The following BCO2 variants were observed in gnomAD, a reference collection of about 807,000 sequenced individuals.
BCO2 encodes the protein carotenoid-cleaving dioxygenase, mitochondrial.
A neutral mutation model predicts 65.8 loss-of-function variants in BCO2; 56 were observed. The ratio of observed to expected loss-of-function variants is 0.85; its 90% CI spans 0.69 to 1.06. The LOEUF (loss-of-function observed/expected upper bound fraction) is 1.06, where lower values mean the gene tolerates loss of function less well. Among genes scored for constraint, BCO2 ranks in the 50% least tolerant of loss-of-function variants. BCO2 has a pLI of 0.00. For missense variants in BCO2, 675 were observed against 698.5 expected, an observed-to-expected ratio of 0.97 and a Z score of 0.38; for synonymous variants, 233 against 242.3, an observed-to-expected ratio of 0.96 and a Z score of 0.36.
intron 8 of BCO2, among the ~76,000 whole-genome samples, chr11:112,206,475 G>A (rs10891342): frequency 0.95 from 144,619 of 152,276 alleles, 68,886 homozygotes; most frequent in East Asian, 1. Context: ...TATAAATTTT[G>A]AGGCCAGGTG....
chr11:112,200,195 G>C (rs1343225480), intron 6 of BCO2, among the ~76,000 whole-genome samples: 1 of 152,046 alleles, frequency 6.6e-6, no homozygotes, highest in Non-Finnish European at 1.5e-5. Context: ...CTTTTACTCA[G>C]AATATTTATT....
At chr11:112,181,844 C>A in intron 2 of BCO2, 1 of 959,576 alleles carries the variant, frequency 1.0e-6, no homozygotes, top group Non-Finnish European at 1.7e-6. Context: ...CAAATCTTTG[C>A]TGTTCAAATC....
intron 8 of BCO2, among the ~76,000 whole-genome samples, chr11:112,209,102 C>T (rs981459303): frequency 1.3e-5 from 2 of 152,110 alleles, no homozygotes; most frequent in East Asian, 1.9e-4. Flanking sequence ...TACATTATTA[C>T]TAACTAAAGT....
intron 2 of BCO2, chr11:112,181,234 T>C (rs1447485306): frequency 3.0e-6 from 2 of 663,254 alleles, no homozygotes; most frequent in Non-Finnish European, 2.6e-6. Flanking sequence ...CAGGCTGGAG[T>C]GCAGTGGCGG....
At chr11:112,214,240 G>C (rs993562502) in intron 9 of BCO2, among the ~76,000 whole-genome samples, 2 of 152,098 alleles carry the variant, frequency 1.3e-5, no homozygotes, top group Non-Finnish European at 2.9e-5. Context: ...TCTGCCTCCT[G>C]GGTTCAAGCA....
At chr11:112,192,978 CT>C (rs34728026) in intron 2 of BCO2, among the ~76,000 whole-genome samples, 39,934 of 74,502 alleles carry the variant, frequency 0.54, 10,471 homozygotes, top group Non-Finnish European at 0.6. Context: ...GTAAATTATT[CT>C]TTTTTTTTTT....
chr11:112,180,799 C>T (rs371765811), intron 2 of BCO2: 10 of 1,012,002 alleles, frequency 9.9e-6, no homozygotes, highest in South Asian at 5.1e-5. Context: ...TGTTCCTGAA[C>T]GGCAGCCCCA....
chr11:112,202,382 AAG>A (rs1362997721), intron 8 of BCO2, among the ~76,000 whole-genome samples, 192 bp downstream of exon 8: 1 of 151,910 alleles, frequency 6.6e-6, no homozygotes, highest in Non-Finnish European at 1.5e-5. Context: ...TCCCAGGTTC[AAG>A]AGATTCTTGT....
chr11:112,198,295 A>T (rs1240382893), intron 5 of BCO2, among the ~76,000 whole-genome samples: 1 of 151,924 alleles, frequency 6.6e-6, no homozygotes, highest in Non-Finnish European at 1.5e-5. Flanking sequence ...TGTACTCCAG[A>T]CTGGGTGATA....
chr11:112,194,217 G>C (rs1027024429), intron 4 of BCO2: 2 of 499,064 alleles, frequency 4.0e-6, no homozygotes, highest in Admixed American at 6.5e-5. Flanking sequence ...AATATCTGAA[G>C]GCTAGGGTAA....
At chr11:112,181,855 T>A in intron 2 of BCO2, 1 of 965,062 alleles carries the variant, frequency 1.0e-6, no homozygotes, top group Non-Finnish European at 1.7e-6. Context: ...TGTTCAAATC[T>A]TGAACGAGCT....
intron 1 of BCO2, among the ~76,000 whole-genome samples, chr11:112,178,023 C>T (rs909611967): frequency 2.0e-5 from 3 of 151,662 alleles, no homozygotes; most frequent in African/African-American, 7.3e-5. Context: ...GATTCTCCTG[C>T]CTCAGCTCCT....
chr11:112,194,143 T>G (rs1284797883), intron 4 of BCO2, 149 bp downstream of exon 4: 1 of 593,744 alleles, frequency 1.7e-6, no homozygotes, highest in African/African-American at 1.9e-5. Flanking sequence ...ACCTTTACTC[T>G]CTGGCCTGAT....
At chr11:112,190,921 A>G (rs1867367920) in intron 2 of BCO2, among the ~76,000 whole-genome samples, 1 of 149,800 alleles carries the variant, frequency 6.7e-6, no homozygotes, top group South Asian at 2.1e-4. Context: ...GTTGCTAAAT[A>G]TGATTTTATA....
chr11:112,217,146 A>C (rs556861919), intron 11 of BCO2, among the ~76,000 whole-genome samples: 1 of 152,356 alleles, frequency 6.6e-6, no homozygotes, highest in South Asian at 2.1e-4. Flanking sequence ...GCACAAGCAA[A>C]AATATTAAAC....
chr11:112,196,947 C>CTTCCT (rs1867600250), intron 5 of BCO2, among the ~76,000 whole-genome samples: 1 of 149,194 alleles, frequency 6.7e-6, no homozygotes, highest in Admixed American at 6.7e-5. Context: ...CTTCCCTTCC[C>CTTCCT]TTCCCTTCCC....
In BCO2 at chr11:112,188,829, G is replaced by A. The variant is rs948520296; in HGVS notation, c.294-4645G>A. On this transcript the variant is annotated intron_variant, in intron 2 of 11. Transcript: ENST00000357685. ...ATCCATTATTTATGTGCCTGTAAGTGCTGACCTTGGCACAATGCCTGGCAG... is the reference window on the plus strand; with the variant it reads ...ATCCATTATTTATGTGCCTGTAAGTACTGACCTTGGCACAATGCCTGGCAG... 6.0e-5 allele frequency among the ~76,000 whole-genome samples: 9 copies of A among 151,104 alleles called. No homozygotes were observed. In the South Asian group the frequency reaches 6.2e-4, roughly 10 times the overall value.
At chr11:112,207,703 A>G (rs1859385256) in intron 8 of BCO2, among the ~76,000 whole-genome samples, 1 of 152,342 alleles carries the variant, frequency 6.6e-6, no homozygotes, top group East Asian at 1.9e-4. Context: ...TCACATTTTA[A>G]TTCTATTTGC....
At chr11:112,191,954 C>T (rs954780665) in intron 2 of BCO2, among the ~76,000 whole-genome samples, 15 of 152,044 alleles carry the variant, frequency 9.9e-5, no homozygotes, top group African/African-American at 3.4e-4. Flanking sequence ...CCATCCTAAC[C>T]ATTTTTAAGA....
Sources: gnomAD v4.1 joint callset for allele counts (sites outside exome capture counted in the v4.1 genomes callset) on GRCh38, gnomAD v4.1.1 for gene constraint, MANE v1.5 for transcripts, NCBI Gene and HGNC (gene_info 2026-07-23, HGNC 2026-07-21) for gene names.